Variants in RUFY4 observed in about 807,000 individuals in gnomAD.
RUFY4 encodes RUN and FYVE domain-containing protein 4.
A neutral mutation model predicts 69.0 loss-of-function variants in RUFY4; 73 were observed. The ratio of observed to expected loss-of-function variants is 1.06; its 90% CI spans 0.88 to 1.29. The LOEUF is 1.29. RUFY4 is among the 50% of genes most tolerant of loss of function. RUFY4 has a pLI of 0.00. For missense variants in RUFY4, 770 were observed against 705.6 expected, an observed-to-expected ratio of 1.09 and a Z score of -1.03; for synonymous variants, 287 against 271.8, an observed-to-expected ratio of 1.06 and a Z score of -0.55.
intron 10 of RUFY4, 100 bp downstream of exon 12, chr2:218,089,462 G>C (rs2106079485): frequency 9.9e-7 from 1 of 1,011,966 alleles, no homozygotes; most frequent in Non-Finnish European, 1.5e-6. Flanking sequence ...CAGGAACTGG[G>C]TGTTTATAAA....
At chr2:218,055,537 G>A (rs188420877) in intron 2 of RUFY4, among the ~76,000 whole-genome samples, 10 of 152,190 alleles carry the variant, frequency 6.6e-5, no homozygotes, top group East Asian at 1.9e-4. Context: ...GAATACACTC[G>A]TTATTGCTTT....
chr2:218,072,380 C>T lies in RUFY4; in HGVS notation c.160C>T (p.Gln54Ter). ...TGCCTCATTTTGGTTCTAGTTTGAC[C>T]AGAAAGAGCAGAAGAGCTTCCTGGG... The change falls in exon 3 of 11, where the codon CAG (glutamine) becomes TAG (stop). Residue 54 changes from glutamine to a stop codon, truncating the protein, a stop_gained. Coordinates refer to ENST00000344321, the Ensembl canonical transcript of RUFY4. LOFTEE classifies it high-confidence loss of function. 6.5e-7 allele frequency: 1 copy of T among 1,537,224 alleles called. No individual in the cohort carries two copies. The highest frequency in any genetic ancestry group is 8.7e-7 in the Non-Finnish European group (1 of 1,146,840).
At position 218,089,369 on chromosome 2, in the gene RUFY4, G is replaced by C. The variant is rs749715502; in HGVS notation, c.1613+7G>C. On this transcript the variant is annotated splice_region_variant and intron_variant, in intron 10 of 10. Coordinates refer to ENST00000344321, the Ensembl canonical transcript of RUFY4. The stretch of plus-strand genomic sequence containing the variant: ...CTCGGCGGTATCCATGCAGGTAAAG[G>C]GAAGGGCACAGAATCCTCCCTCTGG... 1.6e-5 allele frequency: 25 copies of C among 1,612,152 alleles called. No individual in the cohort carries two copies. The highest frequency in any genetic ancestry group is 1.6e-4 in the Middle Eastern group (1 of 6,078).
At chr2:218,084,817 G>T (rs1333014387) in intron 9 of RUFY4, among the ~76,000 whole-genome samples, 1 of 152,264 alleles carries the variant, frequency 6.6e-6, no homozygotes, top group East Asian at 1.9e-4. Flanking sequence ...GGAAGGTGAG[G>T]TGGATGAATC....
chr2:218,048,911 C>T (rs1469781792), intron 2 of RUFY4, among the ~76,000 whole-genome samples: 1 of 152,144 alleles, frequency 6.6e-6, no homozygotes, highest in East Asian at 1.9e-4. Flanking sequence ...TATCTCTAGT[C>T]CTCAGTTGTT....
intron 2 of RUFY4, among the ~76,000 whole-genome samples, chr2:218,049,185 A>T (rs1574494880): frequency 6.6e-6 from 1 of 151,944 alleles, no homozygotes; most frequent in Non-Finnish European, 1.5e-5. Context: ...CAGGTTTGGG[A>T]CCTCATCATC....
intron 2 of RUFY4, among the ~76,000 whole-genome samples, chr2:218,044,395 CT>C (rs1337098542): frequency 6.6e-6 from 1 of 152,176 alleles, no homozygotes; most frequent in Non-Finnish European, 1.5e-5. Flanking sequence ...ATCAGTCAAT[CT>C]TAGTTAGCTG....
Position 218,057,093 on chromosome 2 carries a change from A to AAG in RUFY4, c.-1157-1492_-1157-1491dup, listed in dbSNP as rs1559425137. Among the ~76,000 whole-genome samples the AAG allele has an allele frequency of 1.9e-4, 29 of 150,308 alleles. 2 individuals are homozygous for AAG. Among genetic ancestry groups the AAG allele is most frequent in the Non-Finnish European group, 2.1e-4 (14 of 67,766 alleles). ...GACTCTATCTCAAAAAAAAAAAAAA[A>AAG]AGAGAGAGAGAAGACTAGTTTTACC... On this transcript the variant is annotated intron_variant and NMD_transcript_variant, in intron 2 of 13. Transcript: ENST00000457754.
chr2:218,088,790 A>C (rs1689954605), intron 9 of RUFY4, among the ~76,000 whole-genome samples: 1 of 151,114 alleles, frequency 6.6e-6, no homozygotes, highest in Non-Finnish European at 1.5e-5. Context: ...CTCTTTCTCT[A>C]TCTCTCCATC....
At chr2:218,043,074 G>C (rs564450747) in intron 2 of RUFY4, among the ~76,000 whole-genome samples, 1 of 152,022 alleles carries the variant, frequency 6.6e-6, no homozygotes, top group African/African-American at 2.4e-5. Flanking sequence ...AAGATGAAGA[G>C]AAGGTTTATT....
intron 3 of RUFY4, among the ~76,000 whole-genome samples, chr2:218,062,612 G>A (rs1689226513): frequency 6.6e-6 from 1 of 152,168 alleles, no homozygotes; most frequent in African/African-American, 2.4e-5. Flanking sequence ...CTGGGAGGCT[G>A]AGGCAGGAGA....
intron 2 of RUFY4, among the ~76,000 whole-genome samples, chr2:218,050,346 G>C (rs1269596599): frequency 6.6e-6 from 1 of 152,186 alleles, no homozygotes; most frequent in Non-Finnish European, 1.5e-5. Context: ...GCTACAGTAG[G>C]CAGGAGTGAA....
intron 8 of RUFY4, among the ~76,000 whole-genome samples, chr2:218,082,647 ATGTTG>A (rs936623809): frequency 7.9e-5 from 12 of 151,672 alleles, no homozygotes; most frequent in Non-Finnish European, 1.3e-4. Context: ...CATTGTGTGC[ATGTTG>A]TGTTGTGTGT....
At chr2:218,086,086 A>T (rs1689888000) in intron 9 of RUFY4, among the ~76,000 whole-genome samples, 1 of 152,244 alleles carries the variant, frequency 6.6e-6, no homozygotes, top group Admixed American at 6.5e-5. Context: ...TAAAAATTAA[A>T]TTAAAATTAT....
At chr2:218,084,430 C>T (rs1250731901) in intron 9 of RUFY4, among the ~76,000 whole-genome samples, 3 of 152,012 alleles carry the variant, frequency 2.0e-5, no homozygotes, top group Admixed American at 6.5e-5. Context: ...TGGGATTTCA[C>T]CATGTTGGTC....
chr2:218,057,237 C>T (rs531413155), intron 2 of RUFY4, among the ~76,000 whole-genome samples: 5 of 152,346 alleles, frequency 3.3e-5, no homozygotes, highest in African/African-American at 9.6e-5. Flanking sequence ...GCAACTTTCT[C>T]TTTGTTGCAA....
intron 4 of RUFY4, 122 bp downstream of exon 6, chr2:218,073,007 T>C: frequency 1.0e-6 from 1 of 985,726 alleles, no homozygotes; most frequent in South Asian, 1.7e-5. Context: ...ATGAGAGTCA[T>C]GAAGGAAAAA....
intron 2 of RUFY4, among the ~76,000 whole-genome samples, chr2:218,056,951 G>A (rs542089941): frequency 2.0e-4 from 31 of 152,168 alleles, no homozygotes; most frequent in East Asian, 1.2e-3. Flanking sequence ...GGTGGCTTGC[G>A]CCTGTAGTCC....
chr2:218,038,224 C>T (rs1376833133), intron 2 of RUFY4, among the ~76,000 whole-genome samples: 1 of 151,752 alleles, frequency 6.6e-6, no homozygotes, highest in Non-Finnish European at 1.5e-5. Flanking sequence ...CTTAGAATTA[C>T]AGCTGCTTGA....
Sources: gnomAD v4.1 joint callset for allele counts (sites outside exome capture counted in the v4.1 genomes callset) on GRCh38, gnomAD v4.1.1 for gene constraint, MANE v1.5 for transcripts, NCBI Gene and HGNC (gene_info 2026-07-23, HGNC 2026-07-21) for gene names.